Variants in SMIM35 observed in about 807,000 individuals in gnomAD.
The protein encoded by SMIM35 is small integral membrane protein 35.
intron 1 of SMIM35, among the ~76,000 whole-genome samples, chr11:118,045,689 G>C (rs950980026): frequency 3.9e-5 from 6 of 152,134 alleles, no homozygotes; most frequent in African/African-American, 1.4e-4. Flanking sequence ...TTTGAAACTA[G>C]ACCCATTGGT....
chr11:118,029,039 A>G (rs1428985349), intron 1 of SMIM35: 2 of 334,056 alleles, frequency 6.0e-6, no homozygotes, highest in Admixed American at 8.1e-5. Context: ...TCTGTCATCA[A>G]TGTCAGACAA....
At position 118,021,265 on chromosome 11, in the gene SMIM35, C is replaced by T. The variant is rs143414849; in HGVS notation, c.8-5456G>A. 5.3e-3 allele frequency among the ~76,000 whole-genome samples: 800 copies of T among 152,154 alleles called. 2 individuals carry two copies. Among genetic ancestry groups the T allele is most frequent in the Non-Finnish European group, 9.1e-3 (621 of 67,954 alleles). ...ATTCAGTTTAAAAGTTTGACATTAACAATAAAATTGTTTTTTCTTTTTACT... is the reference window on the plus strand; with the variant it reads ...ATTCAGTTTAAAAGTTTGACATTAATAATAAAATTGTTTTTTCTTTTTACT... On this transcript the variant is annotated intron_variant, in intron 1 of 4. Coordinates refer to ENST00000689828, the MANE Select transcript of SMIM35 (RefSeq NM_001394165.1).
intron 1 of SMIM35, chr11:118,025,561 T>C (rs1380242831): frequency 4.4e-6 from 2 of 455,302 alleles, no homozygotes; most frequent in Admixed American, 2.4e-5. Context: ...AGAGCATTTT[T>C]TCGTGTTTGT....
chr11:118,032,781 G>A (rs558555332), intron 1 of SMIM35, among the ~76,000 whole-genome samples: 4 of 152,128 alleles, frequency 2.6e-5, no homozygotes, highest in African/African-American at 4.8e-5. Flanking sequence ...GGTGGCAGGC[G>A]CCTATAGTCC....
chr11:118,036,632 G>T (rs2058361336), intron 1 of SMIM35, among the ~76,000 whole-genome samples: 2 of 152,216 alleles, frequency 1.3e-5, no homozygotes, highest in Non-Finnish European at 2.9e-5. Context: ...CAGCTGCAGG[G>T]CAGTGAGGTG....
At chr11:118,030,109 A>G (rs1037748350) in intron 1 of SMIM35, among the ~76,000 whole-genome samples, 6 of 151,754 alleles carry the variant, frequency 4.0e-5, no homozygotes, top group Admixed American at 6.6e-5. Context: ...ATCTCGGCTC[A>G]CTGCAAACTC....
chr11:118,014,387 TGGA>T (rs1259107322), intron 3 of SMIM35, among the ~76,000 whole-genome samples: 1 of 450 alleles, frequency 2.2e-3, no homozygotes, highest in East Asian at 0.062. Context: ...GGGGGAGAGA[TGGA>T]TGGATGGATG....
At chr11:118,068,488 G>A (rs955232237) in intron 1 of SMIM35, among the ~76,000 whole-genome samples, 3 of 152,176 alleles carry the variant, frequency 2.0e-5, no homozygotes, top group East Asian at 1.9e-4. Flanking sequence ...AGAGGCGCTC[G>A]TAAACGTTGG....
At chr11:118,007,212 G>A (rs2058126541) in intron 4 of SMIM35, among the ~76,000 whole-genome samples, 1 of 152,078 alleles carries the variant, frequency 6.6e-6, no homozygotes, top group Non-Finnish European at 1.5e-5. Flanking sequence ...TTGGACTGAG[G>A]CTAGAAGTGG....
intron 1 of SMIM35, among the ~76,000 whole-genome samples, chr11:118,035,105 T>C (rs1214933564): frequency 3.9e-5 from 6 of 151,960 alleles, no homozygotes; most frequent in African/African-American, 9.7e-5. Flanking sequence ...GCATCCGCCA[T>C]TGTGCCCAGC....
Position 118,015,692 on chromosome 11 carries a change from C to T in SMIM35, c.124+1G>A. ...GGCTACAGGGCCCAGTGCACACTCACCCTCCCAGCAGTACCCGCGCTGGTA... is the reference window on the plus strand; with the variant it reads ...GGCTACAGGGCCCAGTGCACACTCATCCTCCCAGCAGTACCCGCGCTGGTA... On this transcript the variant is annotated splice_donor_variant, in intron 2 of 4. Coordinates refer to ENST00000689828, the MANE Select transcript of SMIM35 (RefSeq NM_001394165.1). LOFTEE classifies it high-confidence loss of function. 2 of 399,304 alleles carry T rather than the reference C, an allele frequency of 5.0e-6. No individual in the cohort carries two copies. 24.7% of individuals were successfully genotyped at this position (399,304 alleles called of 1,614,324 possible). A position where few individuals can be genotyped will look rare whatever the true frequency, so the allele number is the denominator to read the frequency against.
chr11:118,074,749 A>G (rs1399589910), intron 1 of SMIM35, among the ~76,000 whole-genome samples: 4 of 8,864 alleles, frequency 4.5e-4, no homozygotes, highest in East Asian at 1.6e-3. Context: ...CCTGTCTCAG[A>G]AAAAAAAAAA....
chr11:118,047,036 C>T (rs1343577361), intron 1 of SMIM35, among the ~76,000 whole-genome samples: 1 of 152,122 alleles, frequency 6.6e-6, no homozygotes, highest in Non-Finnish European at 1.5e-5. Context: ...TATTACTTCC[C>T]TAAGCAAGAT....
At chr11:118,030,571 A>G (rs1252966037) in intron 1 of SMIM35, among the ~76,000 whole-genome samples, 2 of 152,196 alleles carry the variant, frequency 1.3e-5, no homozygotes, top group African/African-American at 2.4e-5. Context: ...GTGGAGTGGC[A>G]CTATGGTGGT....
At chr11:118,016,007 G>A (rs545271760) in intron 1 of SMIM35, among the ~76,000 whole-genome samples, 198 bp from the exon 2 acceptor site, 16 of 152,220 alleles carry the variant, frequency 1.1e-4, no homozygotes, top group Non-Finnish European at 1.3e-4. Context: ...TGAGCCTATC[G>A]GTATTTGGAG....
intron 1 of SMIM35, among the ~76,000 whole-genome samples, chr11:118,079,623 T>G (rs1242956171): frequency 6.6e-6 from 1 of 152,186 alleles, no homozygotes; most frequent in African/African-American, 2.4e-5. Context: ...ACGTGGGTGT[T>G]AACACCTGAG....
intron 1 of SMIM35, among the ~76,000 whole-genome samples, chr11:118,055,210 C>T (rs1171757742): frequency 6.6e-6 from 1 of 152,202 alleles, no homozygotes; most frequent in East Asian, 1.9e-4. Context: ...TCCCATGTCT[C>T]TGGTATGACA....
At chr11:118,020,075 G>T (rs2058214474) in intron 1 of SMIM35, among the ~76,000 whole-genome samples, 1 of 152,112 alleles carries the variant, frequency 6.6e-6, no homozygotes, top group Non-Finnish European at 1.5e-5. Flanking sequence ...CGACCAGCCT[G>T]GTCAACATGG....
At chr11:118,084,074 C>T (rs1454464082) in intron 1 of SMIM35, among the ~76,000 whole-genome samples, 1 of 152,110 alleles carries the variant, frequency 6.6e-6, no homozygotes, top group Admixed American at 6.6e-5. Context: ...GTACTCTTAC[C>T]GTGCACCAGG....
Sources: allele counts gnomAD v4.1 joint callset (sites outside exome capture counted in the v4.1 genomes callset), GRCh38; gene constraint gnomAD v4.1.1; transcripts MANE v1.5; gene names NCBI Gene and HGNC (gene_info 2026-07-23, HGNC 2026-07-21).